FAF1: variants seen among roughly 807,000 people sequenced by gnomAD.
FAF1 encodes the protein Fas associated factor 1.
FAF1 carries 25 observed loss-of-function variants against 92.5 expected under a neutral mutation model. The ratio of observed to expected loss-of-function variants is 0.27; its 90% confidence interval spans 0.20 to 0.38. The LOEUF (loss-of-function observed/expected upper bound fraction) is 0.38, where lower values mean the gene tolerates loss of function less well. FAF1 is among the 10% of genes least tolerant of loss of function. FAF1 has a pLI of 1.00. For missense variants in FAF1, 636 were observed against 793.3 expected (o/e 0.80, Z 2.38); for synonymous variants, 234 against 273.2 (o/e 0.86, Z 1.42).
intron 2 of FAF1, among the ~76,000 whole-genome samples, chr1:50,827,140 A>G (rs1008177079): frequency 4.6e-5 from 7 of 152,164 alleles, no homozygotes; most frequent in Admixed American, 1.3e-4. Flanking sequence ...AGAGACAGCA[A>G]CCATCGAGAA....
intron 1 of FAF1, among the ~76,000 whole-genome samples, chr1:50,883,512 A>C (rs1644630959): frequency 6.6e-6 from 1 of 152,186 alleles, no homozygotes; most frequent in South Asian, 2.1e-4. Flanking sequence ...TCTAGACTTA[A>C]AGGAAGAAGA....
intron 1 of FAF1, among the ~76,000 whole-genome samples, chr1:50,919,899 T>G (rs1644949712): frequency 6.6e-6 from 1 of 152,214 alleles, no homozygotes; most frequent in Admixed American, 6.5e-5. Context: ...GTAAGAAGTA[T>G]AGCAAAGATG....
rs36053491 is a variant in FAF1, at chr1:50,836,170, G to GTTTTTTTTTTTTTTTTTTTTTTT, written c.114+21758_114+21759insAAAAAAAAAAAAAAAAAAAAAAA. Among the ~76,000 whole-genome samples the GTTTTTTTTTTTTTTTTTTTTTTT allele has an allele frequency of 3.6e-4, 35 of 98,510 alleles. 2 individuals carry two copies. Among genetic ancestry groups the GTTTTTTTTTTTTTTTTTTTTTTT allele is most frequent in the African/African-American group, 1.1e-3 (26 of 23,456 alleles). 64.6% of individuals were successfully genotyped at this position (98,510 alleles called of 152,430 possible). ...GTGTGTGTTTTTGTTTTTTGTTTCTGTTTTTTTTTTTTTTTTTTTAGACAG... is the reference window on the plus strand; with the variant it reads ...GTGTGTGTTTTTGTTTTTTGTTTCTGTTTTTTTTTTTTTTTTTTTTTTTTTTTTTTTTTTTTTTTTTTAGACAG... On this transcript the variant is annotated intron_variant, in intron 2 of 18. Coordinates refer to ENST00000396153, the MANE Select transcript of FAF1 (RefSeq NM_007051.3).
chr1:50,557,557 T>A (rs759460591), intron 13 of FAF1, among the ~76,000 whole-genome samples: 1 of 152,182 alleles, frequency 6.6e-6, no homozygotes, highest in East Asian at 1.9e-4. Flanking sequence ...AACATTAAGA[T>A]TGTTGGGCTT....
intron 4 of FAF1, among the ~76,000 whole-genome samples, chr1:50,766,173 A>G (rs1266599401): frequency 6.6e-6 from 1 of 152,234 alleles, no homozygotes; most frequent in African/African-American, 2.4e-5. Flanking sequence ...AGAAGCAACA[A>G]AACATGCAAT....
intron 1 of FAF1, among the ~76,000 whole-genome samples, chr1:50,954,401 G>T (rs963711145): frequency 1.3e-5 from 2 of 152,110 alleles, no homozygotes; most frequent in Non-Finnish European, 2.9e-5. Context: ...ACCAGGCCAG[G>T]TGTGTTGGCT....
intron 8 of FAF1, among the ~76,000 whole-genome samples, chr1:50,624,714 G>A (rs1239515132): frequency 6.6e-6 from 1 of 152,060 alleles, no homozygotes; most frequent in African/African-American, 2.4e-5. Context: ...CACTAAATAA[G>A]AACAGCATTA....
chr1:50,777,384 C>A (rs750598646), intron 4 of FAF1, among the ~76,000 whole-genome samples: 3 of 152,106 alleles, frequency 2.0e-5, no homozygotes, highest in Non-Finnish European at 4.4e-5. Flanking sequence ...GGTCATATCA[C>A]TGCATTCCAA....
intron 1 of FAF1, among the ~76,000 whole-genome samples, chr1:50,948,806 G>A (rs1377275051): frequency 6.6e-6 from 1 of 152,106 alleles, no homozygotes; most frequent in Non-Finnish European, 1.5e-5. Flanking sequence ...GATTACAGGT[G>A]TGAGACACCA....
Position 50,817,390 on chromosome 1 carries a change from A to G in FAF1, c.115-15713T>C, listed in dbSNP as rs1643988945. ...CTAAGTGAAATAAGCCTGTCACAAA[A>G]GACAAATACTCTATGATTCCATTTA... On this transcript the variant is annotated intron_variant, in intron 2 of 18. Coordinates refer to ENST00000396153, the MANE Select transcript of FAF1 (RefSeq NM_007051.3). 2.0e-5 allele frequency among the ~76,000 whole-genome samples: 3 copies of G among 152,266 alleles called. No homozygotes were observed. In the South Asian group the frequency reaches 6.2e-4, roughly 32 times the overall value.
At chr1:50,477,479 A>G (rs1557961290) in intron 17 of FAF1, among the ~76,000 whole-genome samples, 1 of 152,208 alleles carries the variant, frequency 6.6e-6, no homozygotes, top group East Asian at 1.9e-4. Flanking sequence ...TACAGTTAAA[A>G]ATATATTTTT....
At chr1:50,934,397 G>A (rs1010126237) in intron 1 of FAF1, among the ~76,000 whole-genome samples, 4 of 152,094 alleles carry the variant, frequency 2.6e-5, no homozygotes. Context: ...ATGCAGGTCT[G>A]TGGGCAACAG....
intron 12 of FAF1, among the ~76,000 whole-genome samples, chr1:50,568,590 A>C (rs1214137544): frequency 6.6e-6 from 1 of 152,184 alleles, no homozygotes; most frequent in East Asian, 1.9e-4. Context: ...ACCATTATCT[A>C]CTTTAATTTC....
Position 50,438,062 on chromosome 1 carries a change from T to G in FAF1, c.*3378A>C, listed in dbSNP as rs1042755191. Reference sequence around the variant, plus strand: ...AAAAAAAAAAAAATTAGAGATTCTTTGTAGACAAGCAGTGGAAAATTAGAG... The same window carrying G: ...AAAAAAAAAAAAATTAGAGATTCTTGGTAGACAAGCAGTGGAAAATTAGAG... On this transcript the variant is annotated 3_prime_UTR_variant, in exon 19 of 19. Transcript: ENST00000396153. 7.9e-5 allele frequency: 12 copies of G among 151,974 alleles called. No homozygotes were observed. Among genetic ancestry groups the G allele is most frequent in the Admixed American group, 3.9e-4 (6 of 15,234 alleles). The allele number at this position is 151,974 out of a possible 1,614,324, so 9.4% of individuals were successfully genotyped here. A position where few individuals can be genotyped will look rare whatever the true frequency, so the allele number is the denominator to read the frequency against.
intron 7 of FAF1, among the ~76,000 whole-genome samples, chr1:50,680,659 G>T (rs1334107038): frequency 6.6e-6 from 1 of 151,770 alleles, no homozygotes; most frequent in Non-Finnish European, 1.5e-5. Context: ...CTCCAGCCTG[G>T]GCGATGAGTG....
At chr1:50,771,283 A>G in intron 4 of FAF1, among the ~76,000 whole-genome samples, 1 of 152,240 alleles carries the variant, frequency 6.6e-6, no homozygotes, top group East Asian at 1.9e-4. Flanking sequence ...GCTTCTGCAC[A>G]GCAAAAGAAA....
chr1:50,934,682 C>A lies in FAF1; in HGVS notation c.45+25085G>T, dbSNP rs568271685. On this transcript the variant is annotated intron_variant, in intron 1 of 18. Coordinates refer to ENST00000396153, the MANE Select transcript of FAF1 (RefSeq NM_007051.3). ...AAGGCTGCAATAAGCCATGTTCACA[C>A]CACTGCACTCCAGCCTGGGTGACAC... 6.6e-5 allele frequency among the ~76,000 whole-genome samples: 10 copies of A among 152,302 alleles called. No homozygotes were observed. In the East Asian group the frequency reaches 1.7e-3, roughly 26 times the overall value.
intron 1 of FAF1, among the ~76,000 whole-genome samples, chr1:50,958,221 A>C (rs573484065): frequency 6.6e-6 from 1 of 152,260 alleles, no homozygotes; most frequent in South Asian, 2.1e-4. Context: ...AAAACATCAA[A>C]ATCTTATGGT....
At chr1:50,537,410 T>TA (rs1438978628) in intron 14 of FAF1, among the ~76,000 whole-genome samples, 2 of 152,202 alleles carry the variant, frequency 1.3e-5, no homozygotes, top group African/African-American at 2.4e-5. Context: ...AGGGCAAACT[T>TA]ACTCTTTATA....
Sources: allele counts gnomAD v4.1 joint callset (sites outside exome capture counted in the v4.1 genomes callset), GRCh38; gene constraint gnomAD v4.1.1; transcripts MANE v1.5; gene names NCBI Gene and HGNC (gene_info 2026-07-23, HGNC 2026-07-21).